PIKFYVE: variants seen among roughly 807,000 people sequenced by gnomAD.
PIKFYVE encodes the protein 1-phosphatidylinositol 3-phosphate 5-kinase.
In PIKFYVE, 122 loss-of-function variants were observed where a neutral mutation model predicts 257.9. The observed-to-expected ratio is 0.47, with a 90% CI of 0.41 to 0.55. The LOEUF is 0.55. Ranked by LOEUF, PIKFYVE falls within the 20% of genes least tolerant of loss-of-function variation. PIKFYVE has a pLI of 0.00. For missense variants in PIKFYVE, 2,160 were observed against 2,536.6 expected, an observed-to-expected ratio of 0.85 and a Z score of 3.19; for synonymous variants, 892 against 868.9, an observed-to-expected ratio of 1.03 and a Z score of -0.47.
intron 35 of PIKFYVE, among the ~76,000 whole-genome samples, chr2:208,349,762 A>G (rs547155385): frequency 6.6e-6 from 1 of 152,170 alleles, no homozygotes; most frequent in Non-Finnish European, 1.5e-5. Context: ...TGTAGGAATC[A>G]TTCAGTTGTA....
chr2:208,274,021 A>G (rs762536908), intron 3 of PIKFYVE: 5 of 1,612,068 alleles, frequency 3.1e-6, no homozygotes, highest in Middle Eastern at 1.6e-4. Context: ...GTTTCAGCAG[A>G]CAACAGTTTG....
rs1691516849 is a variant in PIKFYVE, at chr2:208,285,950, A to T, written c.821+17A>T. The T allele has an allele frequency of 6.2e-7, 1 of 1,607,726 alleles. No homozygotes were observed. The highest frequency in any genetic ancestry group is 1.3e-5 in the African/African-American group (1 of 74,744). ...CTGGCAAAGGTATTGTCCCTTAAATATAATTTTATTTAGAGTTGAAAAATA... is the reference window on the plus strand; with the variant it reads ...CTGGCAAAGGTATTGTCCCTTAAATTTAATTTTATTTAGAGTTGAAAAATA... On this transcript the variant is annotated intron_variant, in intron 6 of 41. Coordinates refer to ENST00000264380, the MANE Select transcript of PIKFYVE (RefSeq NM_015040.4).
intron 38 of PIKFYVE, among the ~76,000 whole-genome samples, 187 bp downstream of exon 38, chr2:208,351,642 T>G (rs963715268): frequency 6.6e-6 from 1 of 152,054 alleles, no homozygotes; most frequent in Non-Finnish European, 1.5e-5. Context: ...GCTGGCGGCG[T>G]CTGTTTCTGG....
At chr2:208,292,920 TGATGTAGTTAGAGTAATCCCTG>T (rs56394850) in intron 7 of PIKFYVE, among the ~76,000 whole-genome samples, 54,097 of 151,874 alleles carry the variant, frequency 0.36, 11,360 homozygotes, top group Admixed American at 0.46. Flanking sequence ...AGGTGATTAC[TGATGTAGTTAGAGTAATCCCTG>T]CCGTATTTGT....
intron 23 of PIKFYVE, 100 bp from the exon 24 acceptor site, chr2:208,333,215 C>G (rs1697753099): frequency 3.3e-6 from 4 of 1,225,004 alleles, no homozygotes; most frequent in Admixed American, 2.2e-5. Context: ...GCCTGGGTGA[C>G]AGAGCGAGAC....
rs562581722 is a variant in PIKFYVE at position 208,346,285 on chromosome 2, T to G, written c.5209+138T>G. Reference sequence around the variant, plus strand: ...GATCTCTGAAATACAAATTTAGATATTTTTGTATGCCCTCTTTATACGTGT... The same window carrying G: ...GATCTCTGAAATACAAATTTAGATAGTTTTGTATGCCCTCTTTATACGTGT... On this transcript the variant is annotated intron_variant, in intron 34 of 41. Transcript: ENST00000264380. 3.6e-4 allele frequency: 274 copies of G among 771,574 alleles called. 1 individual carries two copies. In the Middle Eastern group the frequency reaches 4.0e-3, roughly 11 times the overall value. The allele number at this position is 771,574 out of a possible 1,614,324, so 47.8% of individuals were successfully genotyped here.
rs1461853580 is a variant in PIKFYVE, at chr2:208,300,856, T to C, written c.1051-81T>C. ...TCCAAGTTAGGTTTCCTTTTATGAG[T>C]CTAAAAATCACAGGAAAACATCTGA... is the stretch of plus-strand genomic sequence containing the variant. On this transcript the variant is annotated intron_variant, in intron 8 of 41. Transcript: ENST00000264380. The C allele has an allele frequency of 7.0e-6, 11 of 1,566,970 alleles. No homozygotes were observed. The Middle Eastern group carries it at 8.3e-4, about 119-fold the overall frequency.
chr2:208,354,724 T>C (rs904243672), intron 41 of PIKFYVE, 79 bp downstream of exon 41: 14 of 1,126,030 alleles, frequency 1.2e-5, no homozygotes, highest in East Asian at 7.2e-5. Context: ...ACTGATTCTT[T>C]TTTTTAGTTG....
At chr2:208,335,725 T>TC in intron 25 of PIKFYVE, 68 bp from the exon 26 acceptor site, 1 of 1,217,164 alleles carries the variant, frequency 8.2e-7, no homozygotes, top group Non-Finnish European at 1.2e-6. Flanking sequence ...AGCTTTTTTT[T>TC]CTATTTATGT....
chr2:208,349,488 T>C (rs1467415493), intron 35 of PIKFYVE, among the ~76,000 whole-genome samples: 1 of 149,816 alleles, frequency 6.7e-6, no homozygotes, highest in Non-Finnish European at 1.5e-5. Context: ...TAATATATAA[T>C]TGTATTATAT....
chr2:208,314,616 C>T (rs1444916233), intron 14 of PIKFYVE, among the ~76,000 whole-genome samples, 193 bp downstream of exon 14: 2 of 152,032 alleles, frequency 1.3e-5, no homozygotes, highest in African/African-American at 2.4e-5. Flanking sequence ...CCAAGAGCCC[C>T]GGCTGGGTGC....
intron 17 of PIKFYVE, among the ~76,000 whole-genome samples, chr2:208,321,789 A>G (rs1299977100): frequency 6.6e-6 from 1 of 152,114 alleles, no homozygotes; most frequent in Non-Finnish European, 1.5e-5. Context: ...CATGTTGGCC[A>G]GGCTGGTCTT....
rs1293177352 is a variant in PIKFYVE at position 208,351,447 on chromosome 2, C to A, written c.5707C>A (p.Gln1903Lys). The A allele has an allele frequency of 1.2e-6, 2 of 1,606,970 alleles. No homozygotes were observed. The highest frequency in any genetic ancestry group is 1.7e-5 in the Admixed American group (1 of 60,016). ...CTTCAATTATATTACAAATGCTGTT[C>A]AACAAAAGGTAGAAATCTAAAACCA... ...HYFNYITNAV[Q>K]QKRPTALAKI... The change falls in exon 38 of 42, where the codon CAA (glutamine) becomes AAA (lysine). Residue 1903 changes from glutamine (Q) to lysine (K), a missense_variant. Gln to Lys is a moderately conservative substitution (Grantham distance 53, BLOSUM62 1). Around this residue, in one of 12 missense-constraint regions of PIKFYVE, gnomAD observed 699 missense variants for 855.8 expected, o/e 0.82. Transcript: ENST00000264380.
intron 39 of PIKFYVE, among the ~76,000 whole-genome samples, chr2:208,353,062 T>A (rs1344900226): frequency 2.0e-5 from 3 of 152,198 alleles, no homozygotes; most frequent in African/African-American, 7.2e-5. Context: ...TTTTGAAGAT[T>A]AAGAAGCTGA....
chr2:208,319,864 C>A (rs1374730745), intron 16 of PIKFYVE, among the ~76,000 whole-genome samples: 1 of 152,058 alleles, frequency 6.6e-6, no homozygotes, highest in Non-Finnish European at 1.5e-5. Context: ...CAATTTTAGA[C>A]AGACTAAAAT....
Position 208,346,133 on chromosome 2 carries a change from C to G in PIKFYVE, c.5195C>G (p.Thr1732Arg), listed in dbSNP as rs1442701047. 3 of 1,608,890 alleles carry G rather than the reference C, an allele frequency of 1.9e-6. No homozygotes were observed. The African/African-American group carries it at 4.0e-5, about 22-fold the overall frequency. Residue 1732 changes from threonine (T) to arginine (R), a missense_variant, in exon 34 of 42, where the codon ACA becomes AGA. Coordinates refer to ENST00000264380, the MANE Select transcript of PIKFYVE (RefSeq NM_015040.4). ...GGACAGACAAATCGTACAACAGAAACAGAACCACAACCAAGTAAGATTACA... is the reference window on the plus strand; with the variant it reads ...GGACAGACAAATCGTACAACAGAAAGAGAACCACAACCAAGTAAGATTACA... The part of the protein sequence containing the change: ...SGGQTNRTTE[T>R]EPQPTKKASG...
intron 11 of PIKFYVE, 102 bp from the exon 12 acceptor site, chr2:208,304,744 A>T: frequency 8.8e-7 from 1 of 1,132,710 alleles, no homozygotes; most frequent in Non-Finnish European, 1.3e-6. Flanking sequence ...TTGGGCTTGT[A>T]TATTAAAAAA....
At position 208,347,916 on chromosome 2, in the gene PIKFYVE, A is replaced by T. The variant is rs1699386726; in HGVS notation, c.5267A>T (p.Asp1756Val). ...FFRGTAGKSPDLSSQKRETLR... is the reference protein window; with the variant it reads ...FFRGTAGKSPVLSSQKRETLR... ...AGAGGGACAGCAGGGAAAAGCCCCGATCTCTCTTCCCAGAAGAGAGAGACC... is the reference window on the plus strand; with the variant it reads ...AGAGGGACAGCAGGGAAAAGCCCCGTTCTCTCTTCCCAGAAGAGAGAGACC... Residue 1756 changes from aspartate to valine, a missense_variant, in exon 35 of 42, where the codon GAT becomes GTT. Around this residue, in one of 12 missense-constraint regions of PIKFYVE, gnomAD observed 699 missense variants for 855.8 expected, o/e 0.82. Transcript: ENST00000264380. 1 of 1,613,814 alleles carries T rather than the reference A, an allele frequency of 6.2e-7. No individual in the cohort carries two copies. The highest frequency in any genetic ancestry group is 1.3e-5 in the African/African-American group (1 of 74,910).
Position 208,304,266 on chromosome 2 carries a change from T to C in PIKFYVE, c.1416T>C (p.Phe472=). ...CATCCTGGTTTAAAGACATAAAGTTTGATGACAGTGACACAGAACAGATAG... is the reference window on the plus strand; with the variant it reads ...CATCCTGGTTTAAAGACATAAAGTTCGATGACAGTGACACAGAACAGATAG... ...SEPSWFKDIK[F]DDSDTEQIAE... The change falls in exon 11 of 42, where the codon TTT becomes TTC. Residue 472 remains phenylalanine (F), a synonymous_variant. Transcript: ENST00000264380. The C allele has an allele frequency of 6.2e-7, 1 of 1,614,168 alleles. No individual in the cohort carries two copies. The highest frequency in any genetic ancestry group is 8.5e-7 in the Non-Finnish European group (1 of 1,180,004).
Sources: gnomAD v4.1 joint callset for allele counts (sites outside exome capture counted in the v4.1 genomes callset) on GRCh38, gnomAD v4.1.1 for gene constraint, gnomAD v4.1.1 regional missense constraint, MANE v1.5 for transcripts, NCBI Gene and HGNC (gene_info 2026-07-23, HGNC 2026-07-21) for gene names.